PDE8B: variants seen among roughly 807,000 people sequenced by gnomAD.
PDE8B encodes phosphodiesterase 8B, also known as high affinity cAMP-specific and IBMX-insensitive 3',5'-cyclic phosphodiesterase 8B.
Under a neutral mutation model 101.3 loss-of-function variants are expected in PDE8B, and 26 were observed. The ratio of observed to expected loss-of-function variants is 0.26; its 90% CI spans 0.19 to 0.36. PDE8B has a LOEUF of 0.36. Ranked by LOEUF, PDE8B falls within the 10% of genes least tolerant of loss-of-function variation. The probability of loss-of-function intolerance (pLI) is 1.00; values close to 1 mark genes in which losing one functional copy is unlikely to be tolerated. For missense variants in PDE8B, 810 were observed against 1,163.1 expected, an observed-to-expected ratio of 0.70 and a Z score of 4.42; for synonymous variants, 424 against 429.3, an observed-to-expected ratio of 0.99 and a Z score of 0.15.
At chr5:77,318,071 A>AAAC (rs1308681210) in intron 2 of PDE8B, among the ~76,000 whole-genome samples, 1 of 150,830 alleles carries the variant, frequency 6.6e-6, no homozygotes, top group African/African-American at 2.4e-5. Context: ...AAAAAAAAAA[A>AAAC]AAAAAACACA....
intron 10 of PDE8B, among the ~76,000 whole-genome samples, chr5:77,379,077 A>C (rs1338773109): frequency 6.6e-6 from 1 of 152,236 alleles, no homozygotes; most frequent in African/African-American, 2.4e-5. Context: ...TCACTGGGCT[A>C]AACAATGACA....
chr5:77,396,873 C>T (rs1791171208), intron 10 of PDE8B, among the ~76,000 whole-genome samples: 2 of 151,730 alleles, frequency 1.3e-5, no homozygotes, highest in South Asian at 4.2e-4. Context: ...ACCCTAATTT[C>T]CATGGAAAAA....
the PDE8B span, among the ~76,000 whole-genome samples, chr5:77,109,470 T>C: frequency 6.6e-6 from 1 of 152,248 alleles, no homozygotes; most frequent in African/African-American, 2.4e-5. Context: ...TGTCACTGGC[T>C]GTGACCTTAT....
chr5:77,330,041 CAG>C (rs1776829104), intron 4 of PDE8B, among the ~76,000 whole-genome samples: 1 of 152,206 alleles, frequency 6.6e-6, no homozygotes, highest in Admixed American at 6.5e-5. Flanking sequence ...CCAGAGAAAG[CAG>C]AGACATTGTC....
At chr5:77,333,683 G>T (rs1777573575) in intron 5 of PDE8B, among the ~76,000 whole-genome samples, 1 of 152,244 alleles carries the variant, frequency 6.6e-6, no homozygotes, top group Admixed American at 6.5e-5. Flanking sequence ...GGAAGGCTGA[G>T]ATTGCACATC....
chr5:77,271,981 A>G (rs1228509696), intron 1 of PDE8B, among the ~76,000 whole-genome samples: 1 of 152,220 alleles, frequency 6.6e-6, no homozygotes, highest in African/African-American at 2.4e-5. Context: ...CTGGGAGCCC[A>G]TTAGAAATGT....
chr5:77,383,962 G>A (rs1435513436), intron 10 of PDE8B, among the ~76,000 whole-genome samples: 1 of 152,072 alleles, frequency 6.6e-6, no homozygotes, highest in Non-Finnish European at 1.5e-5. Context: ...TTGGCTATGC[G>A]GGCTCTTTTT....
intron 1 of PDE8B, among the ~76,000 whole-genome samples, chr5:77,292,661 G>A (rs928542637): frequency 1.3e-5 from 2 of 152,130 alleles, no homozygotes; most frequent in African/African-American, 2.4e-5. Context: ...GCCCATTTGT[G>A]TATTTGTTTT....
At chr5:77,349,274 T>TA in intron 7 of PDE8B, 145 bp from the exon 8 acceptor site, 1 of 1,037,812 alleles carries the variant, frequency 9.6e-7, no homozygotes, top group Non-Finnish European at 1.5e-6. Context: ...CCTGGCCAGC[T>TA]AACTGCATTA....
intron 1 of PDE8B, among the ~76,000 whole-genome samples, chr5:77,279,525 T>C (rs1476628323): frequency 6.6e-6 from 1 of 152,206 alleles, no homozygotes; most frequent in Non-Finnish European, 1.5e-5. Flanking sequence ...TCAATCCTCT[T>C]TTTTTAAAAG....
intron 10 of PDE8B, among the ~76,000 whole-genome samples, chr5:77,373,826 GTTC>G (rs1379566479): frequency 6.6e-6 from 1 of 152,020 alleles, no homozygotes; most frequent in Non-Finnish European, 1.5e-5. Context: ...ATTATAAAAT[GTTC>G]TTCTTTATAG....
At chr5:77,221,320 G>A (rs1422222863) in intron 1 of PDE8B, among the ~76,000 whole-genome samples, 1 of 152,042 alleles carries the variant, frequency 6.6e-6, no homozygotes, top group Non-Finnish European at 1.5e-5. Context: ...AGGAACCTGG[G>A]TTGTTTGTCC....
the PDE8B span, among the ~76,000 whole-genome samples, chr5:77,116,246 T>C: frequency 1.0e-5 from 1 of 96,662 alleles, no homozygotes; most frequent in Non-Finnish European, 2.1e-5. Flanking sequence ...TTTTTTTTTT[T>C]TTTGAGACAG....
At chr5:77,417,925 A>G (rs80260422) in intron 17 of PDE8B, among the ~76,000 whole-genome samples, 302 of 152,298 alleles carry the variant, frequency 2.0e-3, no homozygotes, top group African/African-American at 6.9e-3. Flanking sequence ...CTGTGGCAGA[A>G]ATACCATACA....
intron 10 of PDE8B, among the ~76,000 whole-genome samples, chr5:77,358,869 T>G (rs959995302): frequency 6.6e-6 from 1 of 152,252 alleles, no homozygotes; most frequent in African/African-American, 2.4e-5. Flanking sequence ...ACGTGCACCT[T>G]ATTTGTGTGC....
At chr5:77,327,168 C>T (rs1311470156) in intron 3 of PDE8B, among the ~76,000 whole-genome samples, 1 of 152,120 alleles carries the variant, frequency 6.6e-6, no homozygotes, top group Admixed American at 6.6e-5. Context: ...GTGGGTGACA[C>T]GCTCCTGGCA....
intron 4 of PDE8B, among the ~76,000 whole-genome samples, chr5:77,331,059 C>T (rs746080639): frequency 4.6e-5 from 7 of 152,144 alleles, no homozygotes; most frequent in Non-Finnish European, 8.8e-5. Context: ...CAATTGTCTC[C>T]GAATGAACAG....
At chr5:77,244,858 A>G (rs544976855) in intron 1 of PDE8B, among the ~76,000 whole-genome samples, 2 of 152,232 alleles carry the variant, frequency 1.3e-5, no homozygotes, top group East Asian at 1.9e-4. Context: ...TCACCCCTCA[A>G]TGTAATGCTT....
chr5:77,158,768 A>C, the PDE8B span, among the ~76,000 whole-genome samples: 1 of 152,250 alleles, frequency 6.6e-6, no homozygotes, highest in East Asian at 1.9e-4. Context: ...TTCTTCTCAC[A>C]CATCACCTGT....
Sources: allele counts gnomAD v4.1 joint callset (sites outside exome capture counted in the v4.1 genomes callset), GRCh38; gene constraint gnomAD v4.1.1; transcripts MANE v1.5; gene names NCBI Gene and HGNC (gene_info 2026-07-23, HGNC 2026-07-21).